Variants in FAM178B observed in about 807,000 individuals in gnomAD.
The protein encoded by FAM178B is family with sequence similarity 178 member B.
A neutral mutation model predicts 91.7 loss-of-function variants in FAM178B; 82 were observed. That is an observed-to-expected ratio of 0.89 (90% CI 0.75 to 1.07). FAM178B has a LOEUF of 1.07. FAM178B is among the 50% of genes least tolerant of loss of function. The pLI is 0.00. For synonymous variants in FAM178B, 368 were observed against 359.4 expected (o/e 1.02, Z -0.27); for missense variants, 769 against 846.7 (o/e 0.91, Z 1.14).
rs543370308 is a variant in FAM178B at position 96,911,095 on chromosome 2, T to A, written c.1563-8388A>T. 3.3e-5 allele frequency among the ~76,000 whole-genome samples: 5 copies of A among 152,124 alleles called. No individual in the cohort carries two copies. The East Asian group carries it at 7.7e-4, about 23-fold the overall frequency. On this transcript the variant is annotated intron_variant, in intron 12 of 16. Transcript: ENST00000490605. ...AGAATCTTTTTTTTTAAGTTCTACC[T>A]CTTTATGCTTCTTTGAAATCTACCC...
intron 6 of FAM178B, among the ~76,000 whole-genome samples, chr2:96,955,896 C>T (rs577138212): frequency 1.2e-4 from 18 of 152,226 alleles, no homozygotes; most frequent in Non-Finnish European, 2.4e-4. Context: ...AGTGGCAAAA[C>T]AAGAGGCGGG....
At chr2:96,894,529 C>T (rs1330386114) in intron 13 of FAM178B, among the ~76,000 whole-genome samples, 1 of 118,098 alleles carries the variant, frequency 8.5e-6, no homozygotes, top group Admixed American at 8.3e-5. Context: ...GACCCCCCCA[C>T]ACATACCCAC....
rs1204060659 is a variant in FAM178B, at chr2:96,986,280, G to C, written c.34C>G (p.Pro12Ala). The C allele has an allele frequency of 7.8e-6, 12 of 1,534,344 alleles. No individual in the cohort carries two copies. Residue 12 changes from proline (P) to alanine (A), a missense_variant, in exon 1 of 17, where the codon CCA (proline) becomes GCA (alanine). By Grantham distance (27) the Pro-to-Ala change is conservative. Coordinates refer to ENST00000490605, the MANE Select transcript of FAM178B (RefSeq NM_001122646.3). ...WPRLPGAGLA[P>A]QLRRQDQRLH... ...CGCTGATCCTGCCTCCTGAGTTGTG[G>C]AGCGAGGCCCGCACCTGGAAGCCTT...
chr2:96,982,171 C>A (rs1453362661), intron 1 of FAM178B, among the ~76,000 whole-genome samples: 1 of 152,088 alleles, frequency 6.6e-6, no homozygotes, highest in East Asian at 1.9e-4. Context: ...GGATCCATAA[C>A]CCACACAAGA....
intron 9 of FAM178B, among the ~76,000 whole-genome samples, chr2:96,925,113 G>T (rs537285109): frequency 5.5e-4 from 83 of 152,258 alleles, no homozygotes; most frequent in African/African-American, 1.9e-3. Context: ...GTACGTGAGG[G>T]GAAGCTCTGG....
chr2:96,961,077 G>A (rs531006379), intron 5 of FAM178B, among the ~76,000 whole-genome samples: 1 of 152,164 alleles, frequency 6.6e-6, no homozygotes, highest in African/African-American at 2.4e-5. Flanking sequence ...CCGGCCCAGA[G>A]AGTCTGATTT....
In FAM178B at chr2:96,972,126, CG is replaced by C; in HGVS notation, c.338del (p.Pro113ArgfsTer31). 2.0e-6 allele frequency: 3 copies of C among 1,527,900 alleles called. No homozygotes were observed. Among genetic ancestry groups the C allele is most frequent in the South Asian group, 2.5e-5 (2 of 80,496 alleles). 94.6% of individuals were successfully genotyped at this position (1,527,900 alleles called of 1,614,324 possible). On this transcript the variant is annotated frameshift_variant, in exon 3 of 17. Transcript: ENST00000490605. LOFTEE classifies it high-confidence loss of function. ...CCCTCGGGTTGAGGAATTCCACGGG[CG>C]GGGGGCTCCAGTCAGTGGGAAACGT... Reference protein sequence around the residue: ...GETFPTDWSPPPVEFLNPRVL... With the variant: ...GETFPTDWSPXPVEFLNPRVL...
At chr2:96,977,171 G>A (rs2082299522) in intron 1 of FAM178B, among the ~76,000 whole-genome samples, 1 of 145,908 alleles carries the variant, frequency 6.9e-6, no homozygotes, top group Non-Finnish European at 1.5e-5. Context: ...CTCCAGCCTG[G>A]GTGACAGAGC....
chr2:96,876,083 G>T lies in FAM178B; in HGVS notation c.*193C>A, dbSNP rs1317112541. The T allele has an allele frequency of 6.6e-6, 4 of 603,358 alleles. No individual in the cohort carries two copies. The highest frequency in any genetic ancestry group is 1.2e-5 in the Non-Finnish European group (4 of 341,248). The allele number at this position is 603,358 out of a possible 1,614,324, so 37.4% of individuals were successfully genotyped here. The stretch of plus-strand genomic sequence containing the variant: ...CCATCCCTTGCTGAGAGGAGAGGGG[G>T]TCGGGGCGGTGGCAGAGGCAGGCTC... On this transcript the variant is annotated 3_prime_UTR_variant, in exon 17 of 17. Transcript: ENST00000490605.
chr2:96,896,488 C>A (rs1016364332), intron 13 of FAM178B, among the ~76,000 whole-genome samples: 4 of 152,178 alleles, frequency 2.6e-5, no homozygotes, highest in Non-Finnish European at 4.4e-5. Context: ...CCTACACCGA[C>A]ATCACTGCTG....
intron 13 of FAM178B, among the ~76,000 whole-genome samples, chr2:96,895,389 G>A (rs1299001041): frequency 2.0e-5 from 3 of 152,202 alleles, no homozygotes; most frequent in Admixed American, 1.3e-4. Context: ...GGCTGACTAT[G>A]GCACCTAAGC....
intron 5 of FAM178B, among the ~76,000 whole-genome samples, chr2:96,967,184 C>T (rs2082153401): frequency 6.6e-6 from 1 of 152,062 alleles, no homozygotes; most frequent in Non-Finnish European, 1.5e-5. Context: ...TCGTAACCTC[C>T]CCTTGAAAGC....
chr2:96,913,923 G>A (rs866348062), intron 12 of FAM178B, among the ~76,000 whole-genome samples: 2 of 152,232 alleles, frequency 1.3e-5, no homozygotes, highest in Middle Eastern at 3.2e-3. Flanking sequence ...AGAGGAGGGT[G>A]CGAGGAAGAC....
intron 12 of FAM178B, among the ~76,000 whole-genome samples, chr2:96,907,921 CT>C (rs1269658727): frequency 2.0e-5 from 3 of 152,254 alleles, no homozygotes; most frequent in Non-Finnish European, 4.4e-5. Flanking sequence ...CTTTTCCAGT[CT>C]CCAGGGCAGC....
chr2:96,919,875 A>G (rs2081303917), intron 12 of FAM178B, among the ~76,000 whole-genome samples: 1 of 152,234 alleles, frequency 6.6e-6, no homozygotes, highest in South Asian at 2.1e-4. Flanking sequence ...CCTGCTCAGC[A>G]CTGAAGCGGA....
At chr2:96,940,523 G>A (rs979772637) in intron 8 of FAM178B, among the ~76,000 whole-genome samples, 58 of 152,264 alleles carry the variant, frequency 3.8e-4, no homozygotes, top group African/African-American at 1.4e-3. Context: ...TAATTATTCC[G>A]TGTGAAATGT....
At chr2:96,928,920 C>A (rs1462390676) in intron 9 of FAM178B, among the ~76,000 whole-genome samples, 2 of 152,092 alleles carry the variant, frequency 1.3e-5, no homozygotes, top group African/African-American at 4.8e-5. Flanking sequence ...GAGGCCAAAG[C>A]AGAAGGATCG....
chr2:96,931,394 T>C (rs1387196212), intron 8 of FAM178B, among the ~76,000 whole-genome samples: 1 of 152,092 alleles, frequency 6.6e-6, no homozygotes, highest in Non-Finnish European at 1.5e-5. Context: ...TATGCAAAAA[T>C]CAAAGCAGGT....
Position 96,930,419 on chromosome 2 carries a change from TCTGCACCGTGAGCTCCCACAC to T in FAM178B, c.1079-1120_1079-1100del, listed in dbSNP as rs2081520954. 5.3e-5 allele frequency among the ~76,000 whole-genome samples: 8 copies of T among 152,162 alleles called. No individual in the cohort carries two copies. In the South Asian group the frequency reaches 1.7e-3, roughly 32 times the overall value. ...CCAAGACCTCCTGCCCCATGTGTTC[TCTGCACCGTGAGCTCCCACAC>T]CTCATCCAGGGACAGAGCCTATGTT... is the stretch of plus-strand genomic sequence containing the variant. On this transcript the variant is annotated intron_variant, in intron 8 of 16. Coordinates refer to ENST00000490605, the MANE Select transcript of FAM178B (RefSeq NM_001122646.3).
Sources: allele counts gnomAD v4.1 joint callset (sites outside exome capture counted in the v4.1 genomes callset), GRCh38; gene constraint gnomAD v4.1.1; transcripts MANE v1.5; gene names NCBI Gene and HGNC (gene_info 2026-07-23, HGNC 2026-07-21).